BABAM2: variants seen among roughly 807,000 people sequenced by gnomAD.
BABAM2 encodes the protein BRISC and BRCA1-A complex member 2.
Under a neutral mutation model 54.7 loss-of-function variants are expected in BABAM2, and 31 were observed. That is an observed-to-expected ratio of 0.57 (90% CI 0.43 to 0.77). BABAM2 has a LOEUF of 0.77. BABAM2 is among the 30% of genes least tolerant of loss of function. The pLI is 0.00. For missense variants in BABAM2, 364 were observed against 455.8 expected (o/e 0.80, Z 1.83); for synonymous variants, 167 against 162.9 (o/e 1.03, Z -0.19).
Position 27,987,973 on chromosome 2 carries a change from G to A in BABAM2, c.206-20G>A, listed in dbSNP as rs369134360. On this transcript the variant is annotated intron_variant, in intron 3 of 11. Coordinates refer to ENST00000379624, the MANE Select transcript of BABAM2 (RefSeq NM_199191.3). Reference sequence around the variant, plus strand: ...CTTAGAAAGGAAATAAAAAGGACCTGTCATTTTCTTTTATTTCAGGGGATA... The same window carrying A: ...CTTAGAAAGGAAATAAAAAGGACCTATCATTTTCTTTTATTTCAGGGGATA... The A allele has an allele frequency of 7.6e-6, 12 of 1,578,986 alleles. No individual in the cohort carries two copies. In the African/African-American group the frequency reaches 1.5e-4, roughly 20 times the overall value.
chr2:27,988,959 T>G (rs1353298025), intron 4 of BABAM2, among the ~76,000 whole-genome samples: 1 of 152,216 alleles, frequency 6.6e-6, no homozygotes, highest in East Asian at 1.9e-4. Flanking sequence ...ACTCTTGCCC[T>G]GCTTCCACCC....
chr2:28,276,029 A>G (rs1352198088), intron 10 of BABAM2, among the ~76,000 whole-genome samples: 1 of 151,946 alleles, frequency 6.6e-6, no homozygotes, highest in Non-Finnish European at 1.5e-5. Flanking sequence ...AAAGAAAGAA[A>G]GAAAAAAATG....
intron 6 of BABAM2, among the ~76,000 whole-genome samples, chr2:28,068,206 A>G (rs1353817988): frequency 1.3e-5 from 2 of 152,202 alleles, no homozygotes; most frequent in African/African-American, 4.8e-5. Context: ...ATAGGAACAG[A>G]CTTCTGATTA....
At chr2:28,147,635 G>A (rs1455478441) in intron 7 of BABAM2, among the ~76,000 whole-genome samples, 6 of 151,934 alleles carry the variant, frequency 3.9e-5, no homozygotes, top group East Asian at 3.9e-4. Flanking sequence ...CACCACGCCC[G>A]GCTAATTTTT....
intron 6 of BABAM2, among the ~76,000 whole-genome samples, chr2:28,098,532 A>G (rs1666809483): frequency 2.0e-5 from 3 of 152,164 alleles, no homozygotes. Flanking sequence ...CCCCATGTTT[A>G]TATTTTTAAT....
chr2:28,146,968 G>C (rs1671551679), intron 7 of BABAM2, among the ~76,000 whole-genome samples: 1 of 152,146 alleles, frequency 6.6e-6, no homozygotes, highest in South Asian at 2.1e-4. Context: ...AAGAGAGTAG[G>C]GTCTGGAGGA....
intron 7 of BABAM2, among the ~76,000 whole-genome samples, chr2:28,196,355 C>T (rs1031228927): frequency 6.6e-6 from 1 of 150,464 alleles, no homozygotes. Flanking sequence ...TACAAAAAAG[C>T]ATTAACATAT....
At chr2:28,241,710 G>A (rs535680845) in intron 9 of BABAM2, among the ~76,000 whole-genome samples, 8 of 151,990 alleles carry the variant, frequency 5.3e-5, no homozygotes, top group Admixed American at 3.9e-4. Context: ...GTCCAGGCTG[G>A]TCTCAAACTC....
intron 11 of BABAM2, among the ~76,000 whole-genome samples, chr2:28,331,016 C>T (rs959640348): frequency 2.6e-5 from 4 of 152,014 alleles, no homozygotes; most frequent in Non-Finnish European, 5.9e-5. Flanking sequence ...GAAATAAGGC[C>T]GCACATCTAC....
chr2:28,214,863 T>C (rs1679790043), intron 7 of BABAM2, among the ~76,000 whole-genome samples: 2 of 152,062 alleles, frequency 1.3e-5, no homozygotes, highest in African/African-American at 4.8e-5. Context: ...CAAGTGAAAT[T>C]TTTCCTGTGA....
At chr2:27,933,641 G>A (rs745655362) in intron 3 of BABAM2, among the ~76,000 whole-genome samples, 1 of 151,506 alleles carries the variant, frequency 6.6e-6, no homozygotes, top group Non-Finnish European at 1.5e-5. Context: ...GATAATTTTT[G>A]TATTTTAGAG....
chr2:28,145,517 C>G (rs1671417291), intron 7 of BABAM2, among the ~76,000 whole-genome samples: 1 of 152,174 alleles, frequency 6.6e-6, no homozygotes, highest in African/African-American at 2.4e-5. Flanking sequence ...GTCATTCTTT[C>G]CCTTTCCTTC....
intron 3 of BABAM2, among the ~76,000 whole-genome samples, chr2:27,940,014 A>G (rs1192305117): frequency 6.6e-6 from 1 of 152,244 alleles, no homozygotes; most frequent in Admixed American, 6.5e-5. Context: ...GCCAATTTGT[A>G]TAAGATTCTA....
intron 2 of BABAM2, among the ~76,000 whole-genome samples, chr2:27,907,216 C>T (rs1666244504): frequency 6.6e-6 from 1 of 151,962 alleles, no homozygotes; most frequent in South Asian, 2.1e-4. Flanking sequence ...TAAGTTTATC[C>T]CACTGACCTT....
intron 7 of BABAM2, among the ~76,000 whole-genome samples, chr2:28,182,945 A>G (rs186483986): frequency 6.6e-6 from 1 of 152,238 alleles, no homozygotes; most frequent in Non-Finnish European, 1.5e-5. Context: ...ATCTAGTCCA[A>G]CCCTTCCACT....
At chr2:27,963,376 A>G (rs1670608818) in intron 3 of BABAM2, among the ~76,000 whole-genome samples, 1 of 142,386 alleles carries the variant, frequency 7.0e-6, no homozygotes, top group South Asian at 2.5e-4. Context: ...AGGCTGAGGG[A>G]GGAGAATTGC....
chr2:28,083,542 T>A (rs1299389449), intron 6 of BABAM2, among the ~76,000 whole-genome samples: 1 of 152,224 alleles, frequency 6.6e-6, no homozygotes, highest in Admixed American at 6.5e-5. Context: ...ATTAAATATT[T>A]CCTATTTTCT....
At chr2:28,057,564 C>G (rs1427241317) in intron 6 of BABAM2, among the ~76,000 whole-genome samples, 1 of 152,018 alleles carries the variant, frequency 6.6e-6, no homozygotes, top group Non-Finnish European at 1.5e-5. Context: ...CTTAAAGGTG[C>G]CACCTGGCAC....
At chr2:28,145,651 G>T (rs1370693772) in intron 7 of BABAM2, among the ~76,000 whole-genome samples, 1 of 152,108 alleles carries the variant, frequency 6.6e-6, no homozygotes, top group African/African-American at 2.4e-5. Context: ...TTGCAGAGTT[G>T]TGCAGCCATC....
Sources: gnomAD v4.1 joint callset for allele counts (sites outside exome capture counted in the v4.1 genomes callset) on GRCh38, gnomAD v4.1.1 for gene constraint, MANE v1.5 for transcripts, NCBI Gene and HGNC (gene_info 2026-07-23, HGNC 2026-07-21) for gene names.